Variants in WWOX observed in about 807,000 individuals in gnomAD.
WWOX encodes WW domain containing oxidoreductase.
In WWOX, 69 loss-of-function variants were observed where a neutral mutation model predicts 46.2. The ratio of observed to expected loss-of-function variants is 1.49; its 90% CI spans 1.23 to 1.82. The LOEUF (loss-of-function observed/expected upper bound fraction) is 1.82. Among genes scored for constraint, WWOX ranks in the 40% most tolerant of loss-of-function variants. The probability of loss-of-function intolerance (pLI) is 0.00; values close to 1 mark genes in which losing one functional copy is unlikely to be tolerated. For synonymous variants in WWOX, 359 were observed against 202.6 expected (o/e 1.77, Z -6.56); for missense variants, 919 against 542.6 (o/e 1.69, Z -6.89).
At chr16:78,162,946 A>G (rs928025642) in intron 4 of WWOX, among the ~76,000 whole-genome samples, 1 of 152,054 alleles carries the variant, frequency 6.6e-6, no homozygotes, top group African/African-American at 2.4e-5. Context: ...GTTTCAGAAT[A>G]TCTATTTGAA....
intron 5 of WWOX, among the ~76,000 whole-genome samples, chr16:78,337,796 C>G (rs1471522869): frequency 1.8e-5 from 1 of 56,398 alleles, no homozygotes; most frequent in Non-Finnish European, 5.7e-5. Flanking sequence ...AATCTTGAAG[C>G]TAGAGTTTCT....
chr16:78,732,326 C>T (rs1476714936), intron 8 of WWOX, among the ~76,000 whole-genome samples: 1 of 152,112 alleles, frequency 6.6e-6, no homozygotes, highest in African/African-American at 2.4e-5. Flanking sequence ...GCCACCATGC[C>T]ATGAGGAAAC....
At chr16:78,989,123 C>G (rs1401831158) in intron 8 of WWOX, among the ~76,000 whole-genome samples, 1 of 152,040 alleles carries the variant, frequency 6.6e-6, no homozygotes, top group African/African-American at 2.4e-5. Flanking sequence ...CTAAAATTAT[C>G]AGCATATTTA....
intron 8 of WWOX, among the ~76,000 whole-genome samples, chr16:78,933,029 A>G (rs2045657964): frequency 6.6e-6 from 1 of 152,230 alleles, no homozygotes; most frequent in Non-Finnish European, 1.5e-5. Flanking sequence ...CTCTGAGTTA[A>G]GAGTTTCTAT....
At chr16:79,095,325 A>G (rs2049046468) in intron 8 of WWOX, among the ~76,000 whole-genome samples, 1 of 152,206 alleles carries the variant, frequency 6.6e-6, no homozygotes, top group Non-Finnish European at 1.5e-5. Flanking sequence ...AACTGCTTTC[A>G]GGCATTTCCT....
At chr16:79,155,354 G>A (rs1353487261) in intron 8 of WWOX, among the ~76,000 whole-genome samples, 1 of 152,098 alleles carries the variant, frequency 6.6e-6, no homozygotes, top group Non-Finnish European at 1.5e-5. Flanking sequence ...CCAGCCTGGC[G>A]ACAGAGGGAG....
chr16:79,014,562 C>T (rs1293324983), intron 8 of WWOX, among the ~76,000 whole-genome samples: 2 of 152,188 alleles, frequency 1.3e-5, no homozygotes, highest in East Asian at 3.9e-4. Flanking sequence ...CTGGAAGATT[C>T]CCCAGATTTG....
Position 79,211,584 on chromosome 16 carries a change from T to TTGTC in WWOX, c.1057-22_1057-19dup, listed in dbSNP as rs762256792. On this transcript the variant is annotated intron_variant, in intron 8 of 8. Transcript: ENST00000566780. ...TCACTCCTTTTCTTAAAATTTTTTTTTGTCTTTCTTCTTGGATTTCCAGCA... is the reference window on the plus strand; with the variant it reads ...TCACTCCTTTTCTTAAAATTTTTTTTTGTCTGTCTTTCTTCTTGGATTTCCAGCA... The TTGTC allele has an allele frequency of 1.2e-5, 20 of 1,613,974 alleles. No homozygotes were observed. The South Asian group carries it at 1.5e-4, about 12-fold the overall frequency.
At chr16:78,533,817 G>T (rs946118218) in intron 8 of WWOX, among the ~76,000 whole-genome samples, 1 of 152,136 alleles carries the variant, frequency 6.6e-6, no homozygotes, top group African/African-American at 2.4e-5. Context: ...GCTGGTTCTC[G>T]TCCTCGCCCT....
At chr16:78,825,818 C>T (rs980714910) in intron 8 of WWOX, 38 of 596,268 alleles carry the variant, frequency 6.4e-5, no homozygotes, top group Admixed American at 1.2e-4. Context: ...ATAGGGTTTT[C>T]TGGGCATCAA....
intron 8 of WWOX, among the ~76,000 whole-genome samples, chr16:78,454,356 TCGTGTG>T (rs753241574): frequency 0.15 from 1,682 of 10,932 alleles, 27 homozygotes; most frequent in African/African-American, 0.41. Flanking sequence ...TTATGTATAT[TCGTGTG>T]TGTGTGTGTG....
intron 5 of WWOX, among the ~76,000 whole-genome samples, chr16:78,312,406 G>C (rs1267914103): frequency 1.1e-5 from 1 of 95,182 alleles, no homozygotes; most frequent in African/African-American, 3.7e-5. Context: ...AGACGGAGTT[G>C]TGCTCTTGTC....
At chr16:78,376,266 C>A (rs2081823253) in intron 5 of WWOX, among the ~76,000 whole-genome samples, 2 of 152,156 alleles carry the variant, frequency 1.3e-5, no homozygotes, top group Admixed American at 6.5e-5. Context: ...GTAAAAAGTT[C>A]ACAAAGCTAG....
At chr16:78,917,352 C>T (rs1453740304) in intron 8 of WWOX, among the ~76,000 whole-genome samples, 1 of 152,166 alleles carries the variant, frequency 6.6e-6, no homozygotes, top group African/African-American at 2.4e-5. Flanking sequence ...AATAAACATC[C>T]TTTAAATACC....
At chr16:79,008,438 C>T (rs572298080) in intron 8 of WWOX, among the ~76,000 whole-genome samples, 1 of 152,176 alleles carries the variant, frequency 6.6e-6, no homozygotes, top group South Asian at 2.1e-4. Context: ...GCTTGGTAGC[C>T]TAACTCACTC....
rs560683849 is a variant in WWOX, at chr16:78,271,568, C to G, written c.516+107279C>G. Among the ~76,000 whole-genome samples, 73 of 152,320 alleles carry G rather than the reference C, an allele frequency of 4.8e-4. 1 individual carries two copies. The highest frequency in any genetic ancestry group is 1.1e-3 in the Admixed American group (17 of 15,300). ...CCTATGTAGTAATTCAAGTAAGCAT[C>G]TCTTCTTCTTGTTTTCCTTATAGGA... is the stretch of plus-strand genomic sequence containing the variant. On this transcript the variant is annotated intron_variant, in intron 5 of 8. Coordinates refer to ENST00000566780, the MANE Select transcript of WWOX (RefSeq NM_016373.4).
intron 5 of WWOX, among the ~76,000 whole-genome samples, chr16:78,271,412 A>G (rs1483943261): frequency 1.3e-5 from 2 of 152,182 alleles, no homozygotes; most frequent in East Asian, 1.9e-4. Flanking sequence ...ACATCCTACA[A>G]GCGTGCTTAC....
chr16:79,153,881 T>C (rs1256617331), intron 8 of WWOX, among the ~76,000 whole-genome samples: 1 of 152,148 alleles, frequency 6.6e-6, no homozygotes, highest in Admixed American at 6.5e-5. Context: ...TGGCAAGGTA[T>C]GGCCCCTAAG....
intron 8 of WWOX, among the ~76,000 whole-genome samples, chr16:78,513,424 G>A (rs1018765752): frequency 6.6e-6 from 1 of 152,150 alleles, no homozygotes. Flanking sequence ...GTGAGGCTAG[G>A]AATCACTGGA....
Sources: allele counts gnomAD v4.1 joint callset (sites outside exome capture counted in the v4.1 genomes callset), GRCh38; gene constraint gnomAD v4.1.1; transcripts MANE v1.5; gene names NCBI Gene and HGNC (gene_info 2026-07-23, HGNC 2026-07-21).